PRDM11: variants seen among roughly 807,000 people sequenced by gnomAD.
The protein encoded by PRDM11 is PR domain-containing protein 11.
In PRDM11, 20 loss-of-function variants were observed where a neutral mutation model predicts 97.8. The ratio of observed to expected loss-of-function variants is 0.20; its 90% CI spans 0.14 to 0.30. The LOEUF (loss-of-function observed/expected upper bound fraction) is 0.30. Among genes scored for constraint, PRDM11 ranks in the 10% least tolerant of loss-of-function variants. The pLI, the probability that PRDM11 is intolerant of heterozygous loss-of-function variation, is 1.00. For missense variants in PRDM11, 1,139 were observed against 1,555.2 expected (o/e 0.73, Z 4.50); for synonymous variants, 599 against 637.7 (o/e 0.94, Z 0.91).
intron 1 of PRDM11, among the ~76,000 whole-genome samples, chr11:45,106,949 G>T (rs1324153704): frequency 6.6e-6 from 1 of 152,232 alleles, no homozygotes; most frequent in Non-Finnish European, 1.5e-5. Context: ...TGCAAACAGG[G>T]ATACCCCCAG....
chr11:45,104,740 G>C (rs905938041), intron 1 of PRDM11, among the ~76,000 whole-genome samples: 1 of 152,134 alleles, frequency 6.6e-6, no homozygotes, highest in Admixed American at 6.5e-5. Context: ...CCACCAATAC[G>C]GCTAAAGGGA....
chr11:45,147,747 T>G (rs1156725363), intron 1 of PRDM11, among the ~76,000 whole-genome samples: 1 of 152,184 alleles, frequency 6.6e-6, no homozygotes, highest in Non-Finnish European at 1.5e-5. Flanking sequence ...AGATGGGGGC[T>G]TAGAACCCCC....
At chr11:45,165,402 A>G (rs7937949) in intron 1 of PRDM11, among the ~76,000 whole-genome samples, 138,066 of 152,288 alleles carry the variant, frequency 0.91, 63,473 homozygotes, top group Non-Finnish European at 0.98. Flanking sequence ...AATGGGAGGG[A>G]CTGGGGGGCT....
chr11:45,135,851 G>C (rs1852829768), intron 1 of PRDM11, among the ~76,000 whole-genome samples: 1 of 152,094 alleles, frequency 6.6e-6, no homozygotes, highest in African/African-American at 2.4e-5. Flanking sequence ...AACTACAATA[G>C]AGGATTCTTC....
chr11:45,100,657 C>T (rs1361573392), intron 1 of PRDM11, among the ~76,000 whole-genome samples: 1 of 152,206 alleles, frequency 6.6e-6, no homozygotes, highest in African/African-American at 2.4e-5. Context: ...ATTTGCATAC[C>T]CATCAGCCAG....
intron 1 of PRDM11, among the ~76,000 whole-genome samples, chr11:45,104,727 G>A (rs1015221048): frequency 6.6e-6 from 1 of 152,190 alleles, no homozygotes; most frequent in Non-Finnish European, 1.5e-5. Context: ...AGATGACACA[G>A]AACCACCAAT....
At position 45,153,695 on chromosome 11, in the gene PRDM11, C is replaced by T. The variant is rs549892157; in HGVS notation, c.-7+6818C>T. Among the ~76,000 whole-genome samples, 126 of 152,342 alleles carry T rather than the reference C, an allele frequency of 8.3e-4. 1 individual carries two copies. The highest frequency in any genetic ancestry group is 9.6e-4 in the Non-Finnish European group (65 of 68,034). On this transcript the variant is annotated intron_variant, in intron 1 of 7. Coordinates refer to ENST00000683152, the MANE Select transcript of PRDM11 (RefSeq NM_001384648.1). Reference sequence around the variant, plus strand: ...GTGTTCAAGGCCAAATATTTAACTGCGCCTCAGTTTCCTTTCTGTAAATGG... The same window carrying T: ...GTGTTCAAGGCCAAATATTTAACTGTGCCTCAGTTTCCTTTCTGTAAATGG...
intron 1 of PRDM11, among the ~76,000 whole-genome samples, chr11:45,116,229 GAACT>G (rs758660523): frequency 1.1e-4 from 17 of 152,254 alleles, no homozygotes; most frequent in Non-Finnish European, 1.6e-4. Context: ...GAAATTAACA[GAACT>G]AACTGACCAG....
intron 1 of PRDM11, among the ~76,000 whole-genome samples, chr11:45,119,644 A>C (rs1334402328): frequency 2.7e-5 from 4 of 147,706 alleles, no homozygotes; most frequent in South Asian, 4.3e-4. Context: ...AAAAAAAAAA[A>C]AAAAACACCT....
chr11:45,132,391 A>G (rs2135649404), intron 1 of PRDM11, among the ~76,000 whole-genome samples: 1 of 151,890 alleles, frequency 6.6e-6, no homozygotes, highest in Admixed American at 6.5e-5. Flanking sequence ...CATAACCCTC[A>G]CCTCTGGGTA....
intron 4 of PRDM11, among the ~76,000 whole-genome samples, chr11:45,199,403 A>G (rs535970086): frequency 1.3e-5 from 2 of 152,266 alleles, no homozygotes; most frequent in South Asian, 4.1e-4. Context: ...CTCTAGATGC[A>G]TGCGCGTTCT....
chr11:45,120,565 C>T (rs963928988), intron 1 of PRDM11, among the ~76,000 whole-genome samples: 2 of 151,784 alleles, frequency 1.3e-5, no homozygotes, highest in Non-Finnish European at 2.9e-5. Flanking sequence ...AAGAATATTG[C>T]CAACTTAGAA....
intron 4 of PRDM11, among the ~76,000 whole-genome samples, chr11:45,195,356 A>C (rs1339941325): frequency 6.6e-6 from 1 of 151,890 alleles, no homozygotes; most frequent in African/African-American, 2.4e-5. Context: ...CCCTCTTCCA[A>C]TCCCCTTAAC....
intron 1 of PRDM11, among the ~76,000 whole-genome samples, chr11:45,171,876 C>A (rs1379290001): frequency 2.0e-5 from 3 of 152,086 alleles, no homozygotes; most frequent in Admixed American, 1.3e-4. Context: ...CCAGCCCCTT[C>A]TTGGATTCTC....
intron 4 of PRDM11, among the ~76,000 whole-genome samples, chr11:45,196,343 A>C (rs1055313528): frequency 1.3e-5 from 2 of 152,084 alleles, no homozygotes; most frequent in Non-Finnish European, 2.9e-5. Flanking sequence ...TAACAGCTCC[A>C]TGGGGTGCTT....
At chr11:45,215,394 G>C (rs773969371) in intron 5 of PRDM11, among the ~76,000 whole-genome samples, 5 of 152,214 alleles carry the variant, frequency 3.3e-5, no homozygotes, top group African/African-American at 1.2e-4. Flanking sequence ...TGGCCAAAAA[G>C]CATGGCCATA....
intron 1 of PRDM11, among the ~76,000 whole-genome samples, chr11:45,180,182 A>G (rs1045444630): frequency 6.6e-6 from 1 of 152,182 alleles, no homozygotes; most frequent in Non-Finnish European, 1.5e-5. Flanking sequence ...TCCAGGCCCC[A>G]ATTCCTGCGC....
At chr11:45,105,033 A>G (rs1852038050) in intron 1 of PRDM11, among the ~76,000 whole-genome samples, 1 of 152,226 alleles carries the variant, frequency 6.6e-6, no homozygotes, top group South Asian at 2.1e-4. Flanking sequence ...ACAAAGAGCA[A>G]ACATGTATTT....
intron 5 of PRDM11, chr11:45,214,452 C>G (rs1853897535): frequency 6.6e-6 from 1 of 150,456 alleles, no homozygotes; most frequent in Non-Finnish European, 1.5e-5. Context: ...GCATCTAGTG[C>G]CTTCCAAGGC....
Sources: allele counts gnomAD v4.1 joint callset (sites outside exome capture counted in the v4.1 genomes callset), GRCh38; gene constraint gnomAD v4.1.1; transcripts MANE v1.5; gene names NCBI Gene and HGNC (gene_info 2026-07-23, HGNC 2026-07-21).